COL28A1: variants seen among roughly 807,000 people sequenced by gnomAD.
COL28A1 encodes the protein collagen alpha-1(XXVIII) chain.
A neutral mutation model predicts 150.2 loss-of-function variants in COL28A1; 161 were observed. That is an observed-to-expected ratio of 1.07 (90% CI 0.94 to 1.22). COL28A1 has a LOEUF of 1.22. Ranked by LOEUF, COL28A1 falls within the 50% of genes most tolerant of loss-of-function variation. COL28A1 has a pLI of 0.00. For synonymous variants in COL28A1, 552 were observed against 469.7 expected (o/e 1.18, Z -2.26); for missense variants, 1,617 against 1,388.3 (o/e 1.16, Z -2.62).
At chr7:7,343,833 C>T in the COL28A1 span, among the ~76,000 whole-genome samples, 2 of 151,896 alleles carry the variant, frequency 1.3e-5, no homozygotes, top group Non-Finnish European at 1.5e-5. Flanking sequence ...CATAGTGAGA[C>T]TTGATCTCTA....
chr7:7,358,828 T>G, intron 34 of COL28A1, 23 bp from the exon 35 acceptor site: 1 of 1,583,444 alleles, frequency 6.3e-7, no homozygotes, highest in Non-Finnish European at 8.6e-7. Flanking sequence ...AAGGAAAATG[T>G]GTCACGGATT....
At chr7:7,444,122 G>A (rs1043474569) in intron 19 of COL28A1, among the ~76,000 whole-genome samples, 10 of 151,572 alleles carry the variant, frequency 6.6e-5, no homozygotes, top group East Asian at 1.9e-4. Context: ...AGGGGGAGGC[G>A]GGGGGAGTGG....
At chr7:7,467,877 A>G (rs1788162174) in intron 15 of COL28A1, among the ~76,000 whole-genome samples, 1 of 145,510 alleles carries the variant, frequency 6.9e-6, no homozygotes, top group Non-Finnish European at 1.5e-5. Context: ...TAACGAAATG[A>G]AGGCAGAAAT....
chr7:7,414,648 G>A (rs1783969143), intron 27 of COL28A1, among the ~76,000 whole-genome samples: 1 of 152,184 alleles, frequency 6.6e-6, no homozygotes, highest in African/African-American at 2.4e-5. Context: ...TCCACATAGA[G>A]AATCAAGAGA....
chr7:7,346,015 A>G, the COL28A1 span, among the ~76,000 whole-genome samples: 1 of 151,998 alleles, frequency 6.6e-6, no homozygotes, highest in Non-Finnish European at 1.5e-5. Flanking sequence ...AGGGTACCCT[A>G]TTAAACTCCT....
intron 25 of COL28A1, among the ~76,000 whole-genome samples, chr7:7,424,849 T>C (rs944481294): frequency 4.6e-5 from 7 of 152,290 alleles, no homozygotes; most frequent in Non-Finnish European, 8.8e-5. Context: ...GCAGTATTTG[T>C]GCATATGAAC....
intron 28 of COL28A1, among the ~76,000 whole-genome samples, chr7:7,381,142 ATTTACCGGGTACCTGAGT>A (rs1781849621): frequency 6.6e-6 from 1 of 152,198 alleles, no homozygotes. Context: ...TTATTACACA[ATTTACCGGGTACCTGAGT>A]TATCTGGTAT....
intron 11 of COL28A1, among the ~76,000 whole-genome samples, chr7:7,497,159 T>C (rs1466888341): frequency 6.6e-6 from 1 of 151,830 alleles, no homozygotes; most frequent in Non-Finnish European, 1.5e-5. Context: ...ATCAAGTACT[T>C]GTTAAATCAA....
intron 25 of COL28A1, among the ~76,000 whole-genome samples, chr7:7,424,557 C>A (rs992576985): frequency 5.9e-5 from 9 of 152,084 alleles, no homozygotes; most frequent in African/African-American, 1.9e-4. Flanking sequence ...TAGCTTCCCA[C>A]GCAACAGCTG....
At position 7,455,558 on chromosome 7, in the gene COL28A1, C is replaced by A. The variant is rs1787085854; in HGVS notation, c.1371+486G>T. Among the ~76,000 whole-genome samples the A allele has an allele frequency of 2.0e-5, 3 of 152,118 alleles. No individual in the cohort carries two copies. In the South Asian group the frequency reaches 6.2e-4, roughly 32 times the overall value. The stretch of plus-strand genomic sequence containing the variant: ...CTATTCCAGAAGTTTGCCCCTTAAA[C>A]TAAGTGGTTATCTCTGATCCTGGTC... On this transcript the variant is annotated intron_variant, in intron 16 of 34. Transcript: ENST00000399429.
chr7:7,376,950 C>G (rs1259848145), intron 30 of COL28A1, among the ~76,000 whole-genome samples: 4 of 152,174 alleles, frequency 2.6e-5, no homozygotes, highest in Non-Finnish European at 4.4e-5. Flanking sequence ...CCACACAATA[C>G]TGGCTATTAT....
At chr7:7,381,653 A>G (rs758420131) in intron 27 of COL28A1, 41 bp from the exon 28 acceptor site, 3 of 1,499,554 alleles carry the variant, frequency 2.0e-6, no homozygotes, top group East Asian at 2.3e-5. Flanking sequence ...TTAATTTCCC[A>G]GGATAGCTTG....
At chr7:7,383,183 A>G (rs1781960883) in intron 27 of COL28A1, among the ~76,000 whole-genome samples, 1 of 151,882 alleles carries the variant, frequency 6.6e-6, no homozygotes, top group South Asian at 2.1e-4. Context: ...TCTGAAATTC[A>G]TATTTATCAT....
Position 7,436,447 on chromosome 7 carries a change from G to A in COL28A1, c.1808C>T (p.Pro603Leu), listed in dbSNP as rs1191633989. 2 of 1,392,456 alleles carry A rather than the reference G, an allele frequency of 1.4e-6. No individual in the cohort carries two copies. The highest frequency in any genetic ancestry group is 1.4e-5 in the African/African-American group (1 of 70,632). The allele number at this position is 1,392,456 out of a possible 1,614,324, so 86.3% of individuals were successfully genotyped here. ...TTCTCCCTTAAATCCAGGTATCCCA[G>A]GTCCTCCTCTATCTCCCTGTACATT... ...PPGPKGDRGGPGIPGFKGEPG... is the reference protein window; with the variant it reads ...PPGPKGDRGGLGIPGFKGEPG... The change falls in exon 23 of 35, where the codon CCT (proline) becomes CTT (leucine). Residue 603 changes from proline to leucine, a missense_variant. By Grantham distance (98) the Pro-to-Leu change is moderately conservative (BLOSUM62 -3). Transcript: ENST00000399429.
At chr7:7,503,814 A>C (rs540297001) in intron 11 of COL28A1, among the ~76,000 whole-genome samples, 1 of 152,198 alleles carries the variant, frequency 6.6e-6, no homozygotes, top group South Asian at 2.1e-4. Flanking sequence ...CTATGACTAG[A>C]AAGAAAAGGG....
Position 7,440,810 on chromosome 7 carries a change from G to A in COL28A1, c.1702C>T (p.Pro568Ser). 1 of 1,519,766 alleles carries A rather than the reference G, an allele frequency of 6.6e-7. No individual in the cohort carries two copies. Among genetic ancestry groups the A allele is most frequent in the South Asian group, 1.1e-5 (1 of 88,368 alleles). 94.1% of individuals were successfully genotyped at this position (1,519,766 alleles called of 1,614,324 possible). A position where few individuals can be genotyped will look rare whatever the true frequency, so the allele number is the denominator to read the frequency against. ...CATACCTTTGGTCCTTCGGGCCCTGGAAGTCCCCTCTGTCCTTGATTTCCT... is the reference window on the plus strand; with the variant it reads ...CATACCTTTGGTCCTTCGGGCCCTGAAAGTCCCCTCTGTCCTTGATTTCCT... ...SKGNQGQRGL[P>S]GPEGPKGEPG... Residue 568 changes from proline to serine, a missense_variant, in exon 21 of 35, where the codon CCA (proline) becomes TCA (serine). Transcript: ENST00000399429.
chr7:7,462,869 AAAAAAAG>A (rs1394226778), intron 15 of COL28A1, among the ~76,000 whole-genome samples: 2 of 151,822 alleles, frequency 1.3e-5, no homozygotes, highest in South Asian at 2.1e-4. Context: ...CTCAAAAAAA[AAAAAAAG>A]AAAAAAGAAA....
chr7:7,514,446 G>GGCA (rs2115164504), intron 8 of COL28A1, among the ~76,000 whole-genome samples: 1 of 152,214 alleles, frequency 6.6e-6, no homozygotes, highest in East Asian at 1.9e-4. Context: ...AAGTTCTTAA[G>GGCA]GCTGCTAAGT....
At chr7:7,455,647 G>A (rs1787094213) in intron 16 of COL28A1, among the ~76,000 whole-genome samples, 1 of 152,084 alleles carries the variant, frequency 6.6e-6, no homozygotes, top group African/African-American at 2.4e-5. Context: ...GGTTGGTAGG[G>A]GGATACCACT....
Sources: gnomAD v4.1 joint callset for allele counts (sites outside exome capture counted in the v4.1 genomes callset) on GRCh38, gnomAD v4.1.1 for gene constraint, MANE v1.5 for transcripts, NCBI Gene and HGNC (gene_info 2026-07-23, HGNC 2026-07-21) for gene names.